Variants in ROS1 observed in about 807,000 individuals in gnomAD.
The protein encoded by ROS1 is ROS proto-oncogene 1, receptor tyrosine kinase, also known as proto-oncogene tyrosine-protein kinase ROS.
ROS1 carries 263 observed loss-of-function variants against 273.5 expected under a neutral mutation model. The ratio of observed to expected loss-of-function variants is 0.96; its 90% CI spans 0.87 to 1.06. The LOEUF (loss-of-function observed/expected upper bound fraction) is 1.06, where lower values mean the gene tolerates loss of function less well. Ranked by LOEUF, ROS1 falls within the 50% of genes least tolerant of loss-of-function variation. The probability of loss-of-function intolerance (pLI) is 0.00; values close to 1 mark genes in which losing one functional copy is unlikely to be tolerated. For synonymous variants in ROS1, 1,008 were observed against 954.1 expected, an observed-to-expected ratio of 1.06 and a Z score of -1.04; for missense variants, 2,833 against 2,751.1, an observed-to-expected ratio of 1.03 and a Z score of -0.67.
intron 4 of ROS1, among the ~76,000 whole-genome samples, chr6:117,412,051 C>A (rs1438483355): frequency 3.3e-5 from 5 of 151,992 alleles, no homozygotes; most frequent in Non-Finnish European, 4.4e-5. Context: ...GAAGCAACAG[C>A]ACGATGAAAA....
At chr6:117,408,537 C>T (rs184109206) in intron 5 of ROS1, among the ~76,000 whole-genome samples, 13 of 152,100 alleles carry the variant, frequency 8.5e-5, no homozygotes, top group South Asian at 2.1e-4. Flanking sequence ...CCAGTTAGAA[C>T]GGCGTTCATT....
intron 1 of ROS1, among the ~76,000 whole-genome samples, chr6:117,420,432 G>A (rs1775663578): frequency 1.6e-5 from 2 of 123,576 alleles, no homozygotes; most frequent in African/African-American, 5.7e-5. Flanking sequence ...AAATGTTGTG[G>A]GGTGGGGGGA....
chr6:117,311,098 G>A lies in ROS1; in HGVS notation c.6137C>T (p.Thr2046Ile), dbSNP rs529164211. 6.2e-7 allele frequency: 1 copy of A among 1,607,938 alleles called. No homozygotes were observed. The highest frequency in any genetic ancestry group is 8.5e-7 in the Non-Finnish European group (1 of 1,176,854). ...ACACAGGTCTACAAGGTCAACCAAG[G>A]TGAGTAAAGGACCATAAAACTGTAA... Reference protein sequence around the residue: ...RMATFYGPLLTLVDLVDLCVD... With the variant: ...RMATFYGPLLILVDLVDLCVD... The change falls in exon 40 of 44, where the codon ACC becomes ATC. Residue 2046 changes from threonine (T) to isoleucine (I), a missense_variant. Transcript: ENST00000368507.
In ROS1 at chr6:117,366,340, G is replaced by A. The variant is rs746186333; in HGVS notation, c.2583-50C>T. ...TGTGTGTTTCTGGAGTGGTGGAAGG[G>A]CTGGTCCATGCAAGTAGTCATGAGA... On this transcript the variant is annotated intron_variant, in intron 18 of 43. Transcript: ENST00000368507. 6 of 1,323,566 alleles carry A rather than the reference G, an allele frequency of 4.5e-6. No individual in the cohort carries two copies. The African/African-American group carries it at 8.6e-5, about 19-fold the overall frequency. 82.0% of individuals were successfully genotyped at this position (1,323,566 alleles called of 1,614,324 possible). A position where few individuals can be genotyped will look rare whatever the true frequency, so the allele number is the denominator to read the frequency against.
At chr6:117,338,472 T>C (rs571219950) in intron 31 of ROS1, among the ~76,000 whole-genome samples, 160 of 151,002 alleles carry the variant, frequency 1.1e-3, no homozygotes, top group African/African-American at 3.8e-3. Flanking sequence ...AATAGCTTAA[T>C]GAAACGGGTG....
chr6:117,377,987 C>G (rs1475697854), intron 18 of ROS1, among the ~76,000 whole-genome samples: 2 of 152,058 alleles, frequency 1.3e-5, no homozygotes, highest in Non-Finnish European at 2.9e-5. Flanking sequence ...TTACTGCTTC[C>G]CACACCAAAG....
chr6:117,306,691 C>A (rs1775128074), intron 42 of ROS1, among the ~76,000 whole-genome samples: 1 of 152,128 alleles, frequency 6.6e-6, no homozygotes, highest in African/African-American at 2.4e-5. Context: ...ACTTTCAAAC[C>A]CCTAAGCTGG....
intron 39 of ROS1, among the ~76,000 whole-genome samples, chr6:117,312,099 C>T (rs572883819): frequency 2.0e-5 from 3 of 152,238 alleles, no homozygotes; most frequent in Admixed American, 6.5e-5. Flanking sequence ...TACTGTTTCT[C>T]CTCTCTCAAT....
intron 5 of ROS1, among the ~76,000 whole-genome samples, chr6:117,405,386 T>C (rs534846740): frequency 6.6e-6 from 1 of 152,346 alleles, no homozygotes; most frequent in South Asian, 2.1e-4. Flanking sequence ...CTTCTTTTTA[T>C]AGTCCATTTT....
intron 29 of ROS1, 50 bp from the exon 30 acceptor site, chr6:117,341,682 GA>G: frequency 7.2e-7 from 1 of 1,394,920 alleles, no homozygotes; most frequent in South Asian, 1.2e-5. Flanking sequence ...AGCACTGAAA[GA>G]TGGAAAGAAG....
chr6:117,297,956 G>C (rs1774383066), intron 43 of ROS1, among the ~76,000 whole-genome samples: 1 of 152,130 alleles, frequency 6.6e-6, no homozygotes, highest in Non-Finnish European at 1.5e-5. Flanking sequence ...AATAGCAAAG[G>C]TATGAGATCA....
At chr6:117,381,501 C>T (rs1772143821) in intron 17 of ROS1, among the ~76,000 whole-genome samples, 1 of 151,998 alleles carries the variant, frequency 6.6e-6, no homozygotes, top group African/African-American at 2.4e-5. Flanking sequence ...TTTGGTTTGC[C>T]ATTCCTGAGT....
chr6:117,381,535 C>T (rs766034194), intron 17 of ROS1, among the ~76,000 whole-genome samples: 20 of 152,010 alleles, frequency 1.3e-4, no homozygotes, highest in Non-Finnish European at 2.2e-4. Flanking sequence ...ATAATGGCCT[C>T]CAGCTCCATC....
chr6:117,368,640 CTT>C (rs1329657987), intron 18 of ROS1, among the ~76,000 whole-genome samples: 2 of 152,014 alleles, frequency 1.3e-5, no homozygotes, highest in African/African-American at 4.8e-5. Flanking sequence ...TTTTAATTAA[CTT>C]GTGGTAAATT....
At chr6:117,299,889 T>C (rs906692375) in intron 43 of ROS1, among the ~76,000 whole-genome samples, 2 of 151,818 alleles carry the variant, frequency 1.3e-5, no homozygotes, top group Non-Finnish European at 2.9e-5. Context: ...GCTTAGTCTG[T>C]CCATTATAGT....
At chr6:117,317,393 C>T (rs960069295) in intron 38 of ROS1, 121 bp from the exon 39 acceptor site, 1 of 1,128,346 alleles carries the variant, frequency 8.9e-7, no homozygotes, top group Non-Finnish European at 1.2e-6. Flanking sequence ...GACTTAGTGT[C>T]TCTAACACTT....
At chr6:117,317,310 G>C (rs2128555911) in intron 38 of ROS1, 38 bp from the exon 39 acceptor site, 5 of 1,593,326 alleles carry the variant, frequency 3.1e-6, no homozygotes, top group Non-Finnish European at 4.3e-6. Context: ...TGATATGACA[G>C]AAGCAGGAGT....
At chr6:117,339,388 G>T (rs1478534553) in intron 31 of ROS1, among the ~76,000 whole-genome samples, 3 of 152,072 alleles carry the variant, frequency 2.0e-5, no homozygotes, top group East Asian at 1.9e-4. Flanking sequence ...TGACAGAAAT[G>T]ACAGAGACAA....
chr6:117,404,404 G>C lies in ROS1; in HGVS notation c.341C>G (p.Pro114Arg), dbSNP rs767519397. ...GTGGCTTCCAATGGAAGAAGCAAAGGGAGCAGTTGGTAGGTCTGCATTTTC... is the reference window on the plus strand; with the variant it reads ...GTGGCTTCCAATGGAAGAAGCAAAGCGAGCAGTTGGTAGGTCTGCATTTTC... The part of the protein sequence containing the change: ...VLENADLPTA[P>R]FASSIGSHNM... The change falls in exon 6 of 44, where the codon CCC becomes CGC. Residue 114 changes from proline (P) to arginine (R), a missense_variant. Coordinates refer to ENST00000368507, the MANE Select transcript of ROS1 (RefSeq NM_001378902.1). The C allele has an allele frequency of 1.9e-6, 3 of 1,613,814 alleles. No individual in the cohort carries two copies. Among genetic ancestry groups the C allele is most frequent in the South Asian group, 1.1e-5 (1 of 90,952 alleles).
Sources: gnomAD v4.1 joint callset for allele counts (sites outside exome capture counted in the v4.1 genomes callset) on GRCh38, gnomAD v4.1.1 for gene constraint, MANE v1.5 for transcripts, NCBI Gene and HGNC (gene_info 2026-07-23, HGNC 2026-07-21) for gene names.